The following UBA2 variants were observed in gnomAD, a reference collection of about 807,000 sequenced individuals.
The protein encoded by UBA2 is ubiquitin like modifier activating enzyme 2.
A neutral mutation model predicts 77.2 loss-of-function variants in UBA2; 11 were observed. That is an observed-to-expected ratio of 0.14 (90% CI 0.09 to 0.24). The LOEUF (loss-of-function observed/expected upper bound fraction) is 0.24. UBA2 is among the 10% of genes least tolerant of loss of function. The probability of loss-of-function intolerance (pLI) is 1.00; values close to 1 mark genes in which losing one functional copy is unlikely to be tolerated. For missense variants in UBA2, 487 were observed against 781.7 expected (o/e 0.62, Z 4.50); for synonymous variants, 278 against 276.7 (o/e 1.00, Z -0.05).
At chr19:34,458,994 G>T in intron 13 of UBA2, 70 bp downstream of exon 13, 2 of 1,442,116 alleles carry the variant, frequency 1.4e-6, no homozygotes, top group Non-Finnish European at 1.9e-6. Flanking sequence ...ACAAACACTA[G>T]CTGCTGATTC....
At position 34,466,926 on chromosome 19, in the gene UBA2, G is replaced by A. The variant is rs756284694; in HGVS notation, c.1653G>A (p.Pro551=). ...DVEFEVVGDA[P]EKVGPKQAED... is the part of the protein sequence containing the mutation. ...AATTTGAAGTTGTTGGTGATGCCCC[G>A]GAAAAAGTGGGGCCCAAACAAGCTG... The change falls in exon 16 of 17, where the codon CCG becomes CCA. Residue 551 remains proline (P), a synonymous_variant. Coordinates refer to ENST00000246548, the MANE Select transcript of UBA2 (RefSeq NM_005499.3). 57 of 1,613,674 alleles carry A rather than the reference G, an allele frequency of 3.5e-5. No homozygotes were observed. The highest frequency in any genetic ancestry group is 1.6e-4 in the South Asian group (15 of 91,058).
chr19:34,466,290 C>G (rs1436666483), intron 15 of UBA2, among the ~76,000 whole-genome samples: 1 of 152,052 alleles, frequency 6.6e-6, no homozygotes, highest in African/African-American at 2.4e-5. Context: ...GAACCGAGAT[C>G]ACGCTACTGC....
At chr19:34,430,464 C>CAGGAG (rs2075240399) in intron 1 of UBA2, 112 bp from the exon 2 acceptor site, 1 of 635,424 alleles carries the variant, frequency 1.6e-6, no homozygotes, top group African/African-American at 1.8e-5. Flanking sequence ...AAAACGCTTT[C>CAGGAG]TCCACTAATG....
rs117312212 is a variant in UBA2 at position 34,448,867 on chromosome 19, T to A, written c.772-1398T>A. ...ACAGAAATCTGAGGGGCTCCTGATA[T>A]TTAGTAATAGTTGAATAGAAGAGAT... On this transcript the variant is annotated intron_variant, in intron 8 of 16. Coordinates refer to ENST00000246548, the MANE Select transcript of UBA2 (RefSeq NM_005499.3). Among the ~76,000 whole-genome samples the A allele has an allele frequency of 2.5e-3, 374 of 152,136 alleles. 1 individual carries two copies. The highest frequency in any genetic ancestry group is 4.8e-3 in the Admixed American group (73 of 15,264).
At chr19:34,464,279 G>A (rs1177847337) in intron 15 of UBA2, 148 bp downstream of exon 15, 5 of 583,920 alleles carry the variant, frequency 8.6e-6, no homozygotes, top group Middle Eastern at 8.2e-4. Context: ...ACTGAGTTCC[G>A]TGATGTTTGA....
chr19:34,442,208 C>T (rs1247545385), intron 6 of UBA2, among the ~76,000 whole-genome samples: 1 of 152,078 alleles, frequency 6.6e-6, no homozygotes, highest in Non-Finnish European at 1.5e-5. Context: ...GCACACTAGC[C>T]TTGGGGACAG....
intron 3 of UBA2, among the ~76,000 whole-genome samples, chr19:34,432,930 G>A (rs1243005057): frequency 6.6e-6 from 1 of 152,140 alleles, no homozygotes; most frequent in Non-Finnish European, 1.5e-5. Flanking sequence ...ACCCTGTGTT[G>A]CTTTCCCAGT....
chr19:34,445,202 A>G lies in UBA2; in HGVS notation c.771+81A>G, dbSNP rs1381172416. 6 of 1,411,562 alleles carry G rather than the reference A, an allele frequency of 4.3e-6. No homozygotes were observed. The African/African-American group carries it at 5.8e-5, about 14-fold the overall frequency. 87.4% of individuals were successfully genotyped at this position (1,411,562 alleles called of 1,614,324 possible). A position where few individuals can be genotyped will look rare whatever the true frequency, so the allele number is the denominator to read the frequency against. The stretch of plus-strand genomic sequence containing the variant: ...TTGTTCTAGTTCTGCTTGTTTTAAA[A>G]TAGTCCATAAAATTGAATTAAGCTT... On this transcript the variant is annotated intron_variant, in intron 8 of 16. Transcript: ENST00000246548.
intron 14 of UBA2, among the ~76,000 whole-genome samples, chr19:34,461,181 C>T (rs917188675): frequency 2.6e-5 from 4 of 152,268 alleles, no homozygotes; most frequent in Admixed American, 6.5e-5. Flanking sequence ...TTGCTGTTCT[C>T]GTTTTTTCCA....
intron 5 of UBA2, among the ~76,000 whole-genome samples, chr19:34,435,654 A>G (rs1250618462): frequency 6.6e-6 from 1 of 151,940 alleles, no homozygotes; most frequent in East Asian, 1.9e-4. Context: ...ATGTAGTGAA[A>G]CCACGTCTCT....
rs1308836806 is a variant in UBA2 at position 34,460,451 on chromosome 19, C to A, written c.1402-19C>A. On this transcript the variant is annotated intron_variant, in intron 13 of 16. Transcript: ENST00000246548. ...ATTACCTACGTTAATATTTTGAATC[C>A]TTTTTTTTTTTTTTGTAGATAGTGA... is the stretch of plus-strand genomic sequence containing the variant. The A allele has an allele frequency of 3.2e-6, 4 of 1,241,912 alleles. No homozygotes were observed. The highest frequency in any genetic ancestry group is 1.4e-5 in the South Asian group (1 of 70,102). 76.9% of individuals were successfully genotyped at this position (1,241,912 alleles called of 1,614,324 possible). A position where few individuals can be genotyped will look rare whatever the true frequency, so the allele number is the denominator to read the frequency against.
At chr19:34,431,628 GTGTT>G (rs1029141201) in intron 2 of UBA2, among the ~76,000 whole-genome samples, 10 of 152,130 alleles carry the variant, frequency 6.6e-5, no homozygotes, top group African/African-American at 2.4e-4. Flanking sequence ...ATGTAGAAGT[GTGTT>G]TGGTGGTACG....
intron 13 of UBA2, among the ~76,000 whole-genome samples, chr19:34,460,022 G>T (rs1474117843): frequency 2.6e-5 from 4 of 151,872 alleles, no homozygotes; most frequent in Admixed American, 2.0e-4. Flanking sequence ...TCTTTTTTAG[G>T]AGCTGGTAGG....
chr19:34,428,690 A>G, intron 1 of UBA2, 120 bp downstream of exon 1: 9 of 1,201,426 alleles, frequency 7.5e-6, no homozygotes, highest in African/African-American at 1.6e-5. Flanking sequence ...GGAGTTGCGG[A>G]GCGGGGGCAG....
At chr19:34,432,759 T>C (rs910273855) in intron 3 of UBA2, among the ~76,000 whole-genome samples, 8 of 152,230 alleles carry the variant, frequency 5.3e-5, no homozygotes, top group African/African-American at 1.9e-4. Flanking sequence ...TTCATCATGT[T>C]GGCCAGGCTG....
chr19:34,463,947 A>T, intron 14 of UBA2, 79 bp from the exon 15 acceptor site: 1 of 971,564 alleles, frequency 1.0e-6, no homozygotes, highest in Non-Finnish European at 1.7e-6. Flanking sequence ...CCCATAACAG[A>T]GGTTTAGCTT....
intron 5 of UBA2, among the ~76,000 whole-genome samples, chr19:34,435,251 A>AGCTG (rs546719243): frequency 5.9e-5 from 9 of 152,142 alleles, no homozygotes; most frequent in Non-Finnish European, 1.2e-4. Context: ...TACAAAAATT[A>AGCTG]GCTGGACATG....
intron 6 of UBA2, among the ~76,000 whole-genome samples, chr19:34,442,289 G>A (rs1226203998): frequency 6.6e-6 from 1 of 152,030 alleles, no homozygotes; most frequent in Non-Finnish European, 1.5e-5. Context: ...TCACTCGAAG[G>A]GAAACCTAAA....
At chr19:34,443,412 T>A (rs548027850) in intron 6 of UBA2, among the ~76,000 whole-genome samples, 1 of 151,948 alleles carries the variant, frequency 6.6e-6, no homozygotes, top group African/African-American at 2.4e-5. Flanking sequence ...GTTAAACTTT[T>A]AAGTTTATAG....
Sources: allele counts gnomAD v4.1 joint callset (sites outside exome capture counted in the v4.1 genomes callset), GRCh38; gene constraint gnomAD v4.1.1; transcripts MANE v1.5; gene names NCBI Gene and HGNC (gene_info 2026-07-23, HGNC 2026-07-21).